SLC9A9: variants seen among roughly 807,000 people sequenced by gnomAD.
SLC9A9 encodes sodium/hydrogen exchanger 9.
SLC9A9 carries 62 observed loss-of-function variants against 77.8 expected under a neutral mutation model. The observed-to-expected ratio is 0.80, with a 90% CI of 0.65 to 0.98. The LOEUF (loss-of-function observed/expected upper bound fraction) is 0.98, where lower values mean the gene tolerates loss of function less well. Ranked by LOEUF, SLC9A9 falls within the 50% of genes least tolerant of loss-of-function variation. The pLI, the probability that SLC9A9 is intolerant of heterozygous loss-of-function variation, is 0.00. For synonymous variants in SLC9A9, 320 were observed against 283.5 expected (o/e 1.13, Z -1.29); for missense variants, 775 against 774.9 (o/e 1.00, Z 0.00).
At chr3:143,423,248 T>TACACACACACACACACAC (rs377276883) in intron 12 of SLC9A9, among the ~76,000 whole-genome samples, 3 of 143,836 alleles carry the variant, frequency 2.1e-5, no homozygotes, top group South Asian at 2.3e-4. Flanking sequence ...CACGCGCGTG[T>TACACACACACACACACAC]ACACACACAC....
intron 4 of SLC9A9, among the ~76,000 whole-genome samples, chr3:143,738,918 C>T (rs1431018940): frequency 2.0e-5 from 3 of 152,200 alleles, no homozygotes; most frequent in Non-Finnish European, 1.5e-5. Flanking sequence ...ATACCACCTT[C>T]CTAGTACACT....
chr3:143,518,052 G>GT, intron 9 of SLC9A9: 2 of 1,495,962 alleles, frequency 1.3e-6, no homozygotes, highest in South Asian at 2.2e-5. Context: ...TTACTGTCAG[G>GT]TTTTTCTTCC....
At chr3:143,449,831 A>T (rs374643437) in intron 12 of SLC9A9, among the ~76,000 whole-genome samples, 31,115 of 65,130 alleles carry the variant, frequency 0.48, 7,224 homozygotes, top group East Asian at 0.66. Context: ...TACATATATA[A>T]TTATATGTAT....
chr3:143,788,713 T>C (rs1284315602), intron 4 of SLC9A9, among the ~76,000 whole-genome samples: 1 of 124,854 alleles, frequency 8.0e-6, no homozygotes, highest in Non-Finnish European at 1.6e-5. Context: ...AAAAAAGACA[T>C]CATCTCTGAT....
intron 6 of SLC9A9, among the ~76,000 whole-genome samples, chr3:143,587,759 A>C (rs1328172095): frequency 1.3e-5 from 2 of 152,234 alleles, no homozygotes; most frequent in African/African-American, 4.8e-5. Flanking sequence ...ACATGATCCC[A>C]TGACACTCTT....
intron 14 of SLC9A9, among the ~76,000 whole-genome samples, chr3:143,357,368 A>T (rs985621924): frequency 6.6e-6 from 1 of 152,116 alleles, no homozygotes; most frequent in Non-Finnish European, 1.5e-5. Flanking sequence ...AACCATGCCT[A>T]CCCTCAGTAC....
intron 12 of SLC9A9, among the ~76,000 whole-genome samples, chr3:143,413,607 T>C (rs953230009): frequency 6.6e-6 from 1 of 152,146 alleles, no homozygotes; most frequent in Admixed American, 6.5e-5. Flanking sequence ...ACCAGACCTC[T>C]ATGTGACTCG....
intron 4 of SLC9A9, among the ~76,000 whole-genome samples, chr3:143,775,283 A>T (rs979776184): frequency 6.6e-6 from 1 of 152,192 alleles, no homozygotes; most frequent in African/African-American, 2.4e-5. Flanking sequence ...GGCACTTAGT[A>T]GGTATTCAGT....
chr3:143,835,073 A>G (rs2009535142), intron 1 of SLC9A9, among the ~76,000 whole-genome samples: 1 of 152,146 alleles, frequency 6.6e-6, no homozygotes, highest in Non-Finnish European at 1.5e-5. Context: ...ATCTTGCCAA[A>G]CTTTTCCTAG....
intron 4 of SLC9A9, among the ~76,000 whole-genome samples, chr3:143,712,483 C>CG (rs1560044050): frequency 6.6e-6 from 1 of 151,988 alleles, no homozygotes; most frequent in Non-Finnish European, 1.5e-5. Flanking sequence ...AGCAATCTAC[C>CG]GGGGGTAACA....
intron 4 of SLC9A9, among the ~76,000 whole-genome samples, chr3:143,785,689 G>T (rs917478700): frequency 6.6e-5 from 10 of 152,016 alleles, no homozygotes; most frequent in African/African-American, 9.7e-5. Flanking sequence ...TGGAGTTGAT[G>T]TGTGTGAGCG....
intron 14 of SLC9A9, among the ~76,000 whole-genome samples, chr3:143,308,420 C>T (rs1553741433): frequency 2.0e-5 from 3 of 151,802 alleles, no homozygotes; most frequent in Non-Finnish European, 2.9e-5. Context: ...ACTAAAAATA[C>T]AAAAAATTAG....
intron 13 of SLC9A9, among the ~76,000 whole-genome samples, chr3:143,375,746 A>C (rs575392908): frequency 2.2e-4 from 33 of 152,336 alleles, no homozygotes; most frequent in Admixed American, 5.2e-4. Context: ...CAGACTTGTG[A>C]GATAAGTATT....
intron 11 of SLC9A9, among the ~76,000 whole-genome samples, chr3:143,475,749 G>A (rs113344494): frequency 0.23 from 33,443 of 148,062 alleles, 4,815 homozygotes; most frequent in Non-Finnish European, 0.33. Flanking sequence ...CTGAGGTTGC[G>A]CCACTGCACT....
chr3:143,580,596 A>G (rs2037435833), intron 6 of SLC9A9, among the ~76,000 whole-genome samples: 1 of 152,188 alleles, frequency 6.6e-6, no homozygotes, highest in Non-Finnish European at 1.5e-5. Context: ...CGATGTGCTA[A>G]TTATATTTCT....
At chr3:143,845,657 T>C (rs78077952) in intron 1 of SLC9A9, among the ~76,000 whole-genome samples, 1,743 of 152,260 alleles carry the variant, frequency 0.011, 37 homozygotes, top group African/African-American at 0.04. Context: ...CTCTCTAAAA[T>C]AAAGGGGATA....
chr3:143,479,446 T>G (rs1217115639), intron 11 of SLC9A9, among the ~76,000 whole-genome samples: 2 of 151,776 alleles, frequency 1.3e-5, no homozygotes, highest in African/African-American at 2.4e-5. Flanking sequence ...AGAGATGGGG[T>G]CTTGTTTTGT....
chr3:143,802,447 A>T (rs1319854816), intron 2 of SLC9A9, among the ~76,000 whole-genome samples: 2 of 152,088 alleles, frequency 1.3e-5, no homozygotes, highest in African/African-American at 4.8e-5. Context: ...TGGCAAATTG[A>T]CTTTACTCAC....
intron 5 of SLC9A9, among the ~76,000 whole-genome samples, chr3:143,663,207 C>T (rs532405877): frequency 8.5e-5 from 13 of 152,300 alleles, no homozygotes; most frequent in South Asian, 8.3e-4. Flanking sequence ...CTCCAACAGA[C>T]GTGCAGCTGA....
Sources: allele counts gnomAD v4.1 joint callset (sites outside exome capture counted in the v4.1 genomes callset), GRCh38; gene constraint gnomAD v4.1.1; transcripts MANE v1.5; gene names NCBI Gene and HGNC (gene_info 2026-07-23, HGNC 2026-07-21).